MGST1: variants seen among roughly 807,000 people sequenced by gnomAD.
MGST1 encodes glutathione S-transferase 12.
In MGST1, 5 loss-of-function variants were observed where a neutral mutation model predicts 8.9. The ratio of observed to expected loss-of-function variants is 0.56; its 90% CI spans 0.29 to 1.19. The LOEUF (loss-of-function observed/expected upper bound fraction) is 1.19, where lower values mean the gene tolerates loss of function less well. Ranked by LOEUF, MGST1 falls within the 50% of genes most tolerant of loss-of-function variation. The pLI is 0.08. For synonymous variants in MGST1, 54 were observed against 67.8 expected (o/e 0.80, Z 1.00); for missense variants, 182 against 187.4 (o/e 0.97, Z 0.17).
chr12:16,391,537 C>A (rs2417567), intron 1 of MGST1, among the ~76,000 whole-genome samples: 45,982 of 151,866 alleles, frequency 0.3, 6,999 homozygotes, highest in South Asian at 0.35. Context: ...TGTATATGTG[C>A]CACATTTTCT....
At chr12:16,536,611 G>A (rs1941758317) in intron 4 of MGST1, among the ~76,000 whole-genome samples, 1 of 152,172 alleles carries the variant, frequency 6.6e-6, no homozygotes, top group South Asian at 2.1e-4. Flanking sequence ...CTGGGAGGAA[G>A]AAGAGGTTTA....
At chr12:16,425,214 G>T (rs1006398345) in intron 1 of MGST1, among the ~76,000 whole-genome samples, 3 of 152,050 alleles carry the variant, frequency 2.0e-5, no homozygotes, top group South Asian at 4.1e-4. Flanking sequence ...GATAGATCCA[G>T]CCAAAAGTAA....
At chr12:16,538,479 A>G (rs573775201) in intron 4 of MGST1, among the ~76,000 whole-genome samples, 10 of 152,142 alleles carry the variant, frequency 6.6e-5, no homozygotes, top group Middle Eastern at 3.4e-3. Context: ...CCAATTTACT[A>G]TATTAGTTCA....
chr12:16,354,244 A>ATGG lies in MGST1; in HGVS notation c.-8_-7insGGT. 1 of 1,571,390 alleles carries ATGG rather than the reference A, an allele frequency of 6.4e-7. No homozygotes were observed. The highest frequency in any genetic ancestry group is 8.6e-7 in the Non-Finnish European group (1 of 1,163,144). ...AATCTTTTTAAGATTCCAGACCAAA[A>ATGG]TTGAAAAAATGGTTGACCTCACCCA... On this transcript the variant is annotated 5_prime_UTR_variant, in exon 2 of 4. In the 5' UTR this introduces an upstream ATG that the reference lacks. Transcript: ENST00000396210.
chr12:16,429,205 T>C (rs149743234), intron 1 of MGST1, among the ~76,000 whole-genome samples: 12 of 152,280 alleles, frequency 7.9e-5, no homozygotes, highest in African/African-American at 2.6e-4. Context: ...CTTTTAGTTC[T>C]GTATATATCT....
intron 1 of MGST1, among the ~76,000 whole-genome samples, chr12:16,434,760 G>C (rs973389332): frequency 2.6e-5 from 4 of 151,856 alleles, no homozygotes; most frequent in Admixed American, 2.6e-4. Flanking sequence ...CAGCATGCTT[G>C]ACTTCTAAGA....
rs894000585 is a variant in MGST1 at position 16,413,180 on chromosome 12, G to A, written n.779-24208G>A. ...TAGCATCAAGAGAACCACTATCACT[G>A]ACTTTCTCGAGCCCTATTTGGCTCT... On this transcript the variant is annotated intron_variant and non_coding_transcript_variant, in intron 1 of 1. Coordinates refer to the MGST1 transcript ENST00000359720. This position sits in a 1 kb window ranked among gnomAD's most constrained non-coding sequence, Gnocchi z 4.0. 2.0e-5 allele frequency among the ~76,000 whole-genome samples: 3 copies of A among 152,150 alleles called. No individual in the cohort carries two copies. Among genetic ancestry groups the A allele is most frequent in the Non-Finnish European group, 4.4e-5 (3 of 68,036 alleles).
intron 1 of MGST1, chr12:16,399,611 C>T: frequency 6.2e-7 from 1 of 1,608,930 alleles, no homozygotes; most frequent in East Asian, 2.2e-5. Context: ...CAATTTCAGA[C>T]TCTGAATCCC....
intron 4 of MGST1, among the ~76,000 whole-genome samples, chr12:16,473,027 T>G (rs1941298148): frequency 6.6e-6 from 1 of 152,234 alleles, no homozygotes; most frequent in Non-Finnish European, 1.5e-5. Context: ...CCCTACCTTT[T>G]AGATGTAGCA....
intron 1 of MGST1, among the ~76,000 whole-genome samples, chr12:16,397,598 G>C (rs954438704): frequency 7.3e-5 from 11 of 151,358 alleles, no homozygotes; most frequent in African/African-American, 2.7e-4. Context: ...AAACAACAAA[G>C]AGTCCCATCA....
Position 16,410,969 on chromosome 12 carries a change from C to A in MGST1, n.779-26419C>A, listed in dbSNP as rs1012207165. Among the ~76,000 whole-genome samples, 13 of 152,166 alleles carry A rather than the reference C, an allele frequency of 8.5e-5. No individual in the cohort carries two copies. In the South Asian group the frequency reaches 1.0e-3, roughly 12 times the overall value. On this transcript the variant is annotated intron_variant and non_coding_transcript_variant, in intron 1 of 1. Transcript: ENST00000359720. This position sits in a 1 kb window ranked among gnomAD's most constrained non-coding sequence, Gnocchi z 4.4. ...TTCCATGCTTTTTTCTGACATGGAA[C>A]CTTTGAATGTACCTTTCCCTCTGCC... is the stretch of plus-strand genomic sequence containing the variant.
chr12:16,359,854 G>A (rs181487858), intron 3 of MGST1, among the ~76,000 whole-genome samples: 4 of 152,290 alleles, frequency 2.6e-5, no homozygotes, highest in Non-Finnish European at 4.4e-5. Context: ...GTGTGAAAGC[G>A]TAACAAAAGA....
chr12:16,446,706 A>G (rs1489745042), intron 4 of MGST1, among the ~76,000 whole-genome samples: 1 of 151,688 alleles, frequency 6.6e-6, no homozygotes, highest in African/African-American at 2.4e-5. Context: ...AGCCCCTCCT[A>G]TCATCCACTC....
At chr12:16,592,211 T>C (rs1943516790), downstream of MGST1, among the ~76,000 whole-genome samples, 1 of 152,034 alleles carries the variant, frequency 6.6e-6, no homozygotes, top group Non-Finnish European at 1.5e-5. Flanking sequence ...ACTAAATGGT[T>C]TCATTGTAGA....
intron 1 of MGST1, chr12:16,400,152 G>A (rs1045683654): frequency 1.5e-6 from 2 of 1,362,096 alleles, no homozygotes; most frequent in Non-Finnish European, 2.1e-6. Context: ...GGTCATCTCG[G>A]TCATGCATAT....
At position 16,572,429 on chromosome 12, in the gene MGST1, T is replaced by TA. The variant is rs565584358; in HGVS notation, n.483-17089dup. Reference sequence around the variant, plus strand: ...TAGAATGTGTATCTATCTTCTTTATTAAAAAAAAAACAGAGCTACTAAGCT... The same window carrying TA: ...TAGAATGTGTATCTATCTTCTTTATTAAAAAAAAAAACAGAGCTACTAAGCT... On this transcript the variant is annotated intron_variant and non_coding_transcript_variant, in intron 4 of 4. Transcript: ENST00000538857. 9.2e-3 allele frequency among the ~76,000 whole-genome samples: 1,303 copies of TA among 142,010 alleles called. 7 individuals are homozygous for TA. The highest frequency in any genetic ancestry group is 0.013 in the Non-Finnish European group (840 of 64,932). 93.2% of individuals were successfully genotyped at this position (142,010 alleles called of 152,430 possible).
chr12:16,479,134 TA>T (rs1410186520), intron 4 of MGST1, among the ~76,000 whole-genome samples: 1 of 151,948 alleles, frequency 6.6e-6, no homozygotes, highest in East Asian at 1.9e-4. Context: ...ATGTATCTAC[TA>T]TACATATTAA....
chr12:16,545,600 G>A (rs1941818950), intron 4 of MGST1, among the ~76,000 whole-genome samples: 1 of 151,892 alleles, frequency 6.6e-6, no homozygotes, highest in South Asian at 2.1e-4. Flanking sequence ...TTATCCTTAT[G>A]CTGAAACTCG....
At chr12:16,572,542 T>A (rs1180718721) in intron 4 of MGST1, among the ~76,000 whole-genome samples, 1 of 150,194 alleles carries the variant, frequency 6.7e-6, no homozygotes, top group Non-Finnish European at 1.5e-5. Context: ...TTTTAACTGT[T>A]TCTCAAACAG....
Sources: gnomAD v4.1 joint callset for allele counts (sites outside exome capture counted in the v4.1 genomes callset) on GRCh38, gnomAD v4.1.1 for gene constraint, Gnocchi (gnomAD v3.1) non-coding constraint, MANE v1.5 for transcripts, NCBI Gene and HGNC (gene_info 2026-07-23, HGNC 2026-07-21) for gene names.